ALOXE3: variants seen among roughly 807,000 people sequenced by gnomAD.
ALOXE3 encodes hydroperoxide isomerase ALOXE3.
Under a neutral mutation model 87.5 loss-of-function variants are expected in ALOXE3, and 78 were observed. The observed-to-expected ratio is 0.89, with a 90% CI of 0.74 to 1.08. The LOEUF (loss-of-function observed/expected upper bound fraction) is 1.08. Ranked by LOEUF, ALOXE3 falls within the 50% of genes least tolerant of loss-of-function variation. The pLI, the probability that ALOXE3 is intolerant of heterozygous loss-of-function variation, is 0.00. For missense variants in ALOXE3, 946 were observed against 912.4 expected, an observed-to-expected ratio of 1.04 and a Z score of -0.47; for synonymous variants, 363 against 370.8, an observed-to-expected ratio of 0.98 and a Z score of 0.24.
chr17:8,099,019 TTTC>T (rs1978749320), intron 15 of ALOXE3, among the ~76,000 whole-genome samples: 3 of 124,414 alleles, frequency 2.4e-5, no homozygotes, highest in Non-Finnish European at 1.7e-5. Context: ...CCCGGCTAGT[TTTC>T]TTTTTTTTTT....
intron 13 of ALOXE3, among the ~76,000 whole-genome samples, chr17:8,105,245 A>G (rs1979208458): frequency 6.6e-6 from 1 of 152,106 alleles, no homozygotes; most frequent in South Asian, 2.1e-4. Context: ...CCTTCCTGAT[A>G]GTTCTCAAAT....
intron 13 of ALOXE3, among the ~76,000 whole-genome samples, chr17:8,105,039 C>A (rs1979190631): frequency 6.6e-6 from 1 of 152,082 alleles, no homozygotes; most frequent in African/African-American, 2.4e-5. Flanking sequence ...GACGTCCCCA[C>A]CTAAGCATCT....
At chr17:8,101,031 GTTTT>G (rs57348893) in intron 15 of ALOXE3, among the ~76,000 whole-genome samples, 1 of 140,090 alleles carries the variant, frequency 7.1e-6, no homozygotes. Context: ...CTTTTTTTTT[GTTTT>G]TTTTTTTTTG....
At chr17:8,102,238 T>A (rs1978968832) in intron 15 of ALOXE3, among the ~76,000 whole-genome samples, 1 of 152,208 alleles carries the variant, frequency 6.6e-6, no homozygotes, top group Non-Finnish European at 1.5e-5. Context: ...CTCACACCTG[T>A]AATTCCAGCA....
chr17:8,109,166 C>A lies in ALOXE3; in HGVS notation c.1562+8G>T. The A allele has an allele frequency of 6.2e-7, 1 of 1,612,900 alleles. No homozygotes were observed. The highest frequency in any genetic ancestry group is 8.5e-7 in the Non-Finnish European group (1 of 1,180,032). On this transcript the variant is annotated splice_region_variant and intron_variant, in intron 12 of 15. Coordinates refer to ENST00000448843, the MANE Select transcript of ALOXE3 (RefSeq NM_021628.3). ...GTGGGACTGCTGGTCCCGCCCCGCA[C>A]CTCGCACCTCTCAATGGCCGCCCAG... is the stretch of plus-strand genomic sequence containing the variant.
chr17:8,099,154 G>C (rs78608027), intron 15 of ALOXE3, among the ~76,000 whole-genome samples: 5 of 150,028 alleles, frequency 3.3e-5, no homozygotes, highest in African/African-American at 1.2e-4. Context: ...CACTGCACCC[G>C]GCCTTATAAT....
At chr17:8,110,768 T>C (rs373778595) in intron 8 of ALOXE3, among the ~76,000 whole-genome samples, 2 of 152,136 alleles carry the variant, frequency 1.3e-5, no homozygotes, top group East Asian at 3.9e-4. Flanking sequence ...GCCAGCGTCC[T>C]CTCCTCCTCA....
intron 3 of ALOXE3, among the ~76,000 whole-genome samples, chr17:8,116,524 T>G (rs1243541242): frequency 6.6e-6 from 1 of 152,112 alleles, no homozygotes; most frequent in Non-Finnish European, 1.5e-5. Context: ...GTGCTTCCTA[T>G]GTGTATGAGA....
Position 8,104,153 on chromosome 17 carries a change from T to C in ALOXE3, c.1747A>G (p.Asn583Asp), listed in dbSNP as rs1320672403. 1 of 1,613,916 alleles carries C rather than the reference T, an allele frequency of 6.2e-7. No homozygotes were observed. The highest frequency in any genetic ancestry group is 8.5e-7 in the Non-Finnish European group (1 of 1,179,966). ...MVKFLTAIIF[N>D]CSAQHAAVNS... ...ACAGCAGCGTGCTGGGCAGAGCAAT[T>C]GAAGATGATTGCAGTGAGGAACTTC... Residue 583 changes from asparagine (N) to aspartate (D), a missense_variant, in exon 14 of 16, where the codon AAT (asparagine) becomes GAT (aspartate). Asn to Asp is a conservative substitution (Grantham distance 23). Coordinates refer to ENST00000448843, the MANE Select transcript of ALOXE3 (RefSeq NM_021628.3).
intron 8 of ALOXE3, among the ~76,000 whole-genome samples, chr17:8,111,132 C>T (rs1270635713): frequency 4.6e-5 from 7 of 152,240 alleles, no homozygotes; most frequent in Non-Finnish European, 8.8e-5. Context: ...GCGTTCACAC[C>T]ATTTCACCAG....
rs1978533973 is a variant in ALOXE3 at position 8,096,248 on chromosome 17, G to T, written c.*379C>A. On this transcript the variant is annotated 3_prime_UTR_variant, in exon 16 of 16. Transcript: ENST00000448843. ...GAAGAAAGAGAACGTAGAAAGGCAT[G>T]GTAGGAGAAGGAGTTTGGGGATTGG... The T allele has an allele frequency of 8.9e-6, 2 of 225,102 alleles. No individual in the cohort carries two copies. Among genetic ancestry groups the T allele is most frequent in the South Asian group, 1.4e-4 (2 of 14,098 alleles). 13.9% of individuals were successfully genotyped at this position (225,102 alleles called of 1,614,324 possible). A position where few individuals can be genotyped will look rare whatever the true frequency, so the allele number is the denominator to read the frequency against.
At position 8,103,418 on chromosome 17, in the gene ALOXE3, T is replaced by A. The variant is rs756957841; in HGVS notation, c.1861A>T (p.Thr621Ser). ...QPPPQTKGTT[T>S]LKTYLDTLPE... ...AGGGTGTCTAGGTAAGTCTTCAGGG[T>A]GGTGGTCCCCTTGGTCTGGGGTGGG... The change falls in exon 15 of 16, where the codon ACC becomes TCC. Residue 621 changes from threonine (T) to serine (S), a missense_variant. Physicochemically the swap from Thr to Ser is moderately conservative, Grantham distance 58 (BLOSUM62 1). Transcript: ENST00000448843. 1 of 1,614,072 alleles carries A rather than the reference T, an allele frequency of 6.2e-7. No individual in the cohort carries two copies. The highest frequency in any genetic ancestry group is 1.1e-5 in the South Asian group (1 of 91,088).
Position 8,118,315 on chromosome 17 carries a change from G to C in ALOXE3, c.-313-12C>G, listed in dbSNP as rs1472438885. ...GAGCCTGGGTTCCACTGCGGAGGGA[G>C]GGATCAGATGCTGAGATGGAGAAAA... On this transcript the variant is annotated splice_polypyrimidine_tract_variant and intron_variant, in intron 1 of 15. Transcript: ENST00000448843. The C allele has an allele frequency of 1.9e-6, 3 of 1,551,826 alleles. No individual in the cohort carries two copies. The South Asian group carries it at 3.6e-5, about 18-fold the overall frequency.
At chr17:8,109,380 C>T in intron 11 of ALOXE3, 37 bp from the exon 12 acceptor site, 1 of 1,607,156 alleles carries the variant, frequency 6.2e-7, no homozygotes, top group Non-Finnish European at 8.5e-7. Flanking sequence ...CGGGCCGGCC[C>T]AATCCCCACC....
At chr17:8,103,180 T>C in intron 15 of ALOXE3, 143 bp downstream of exon 15, 2 of 924,760 alleles carry the variant, frequency 2.2e-6, no homozygotes, top group Non-Finnish European at 1.7e-6. Context: ...ATTATCATTT[T>C]CTGAAGAAAT....
chr17:8,111,239 G>A lies in ALOXE3; in HGVS notation c.957+120C>T, dbSNP rs1450860767. ...GCAGGACCATGGCTGCCCAGAGGAT[G>A]AGGCCCACAGGTGAAATGCAGCCCA... On this transcript the variant is annotated intron_variant, in intron 8 of 15. Coordinates refer to ENST00000448843, the MANE Select transcript of ALOXE3 (RefSeq NM_021628.3). 2.4e-6 allele frequency: 3 copies of A among 1,250,860 alleles called. No homozygotes were observed. In the Admixed American group the frequency reaches 5.4e-5, roughly 22 times the overall value. The allele number at this position is 1,250,860 out of a possible 1,614,324, so 77.5% of individuals were successfully genotyped here.
In ALOXE3 at chr17:8,118,125, G is replaced by A. The variant is rs1205033631; in HGVS notation, c.-135C>T. 7.7e-6 allele frequency: 12 copies of A among 1,551,586 alleles called. No homozygotes were observed. The highest frequency in any genetic ancestry group is 9.6e-6 in the Non-Finnish European group (11 of 1,147,384). On this transcript the variant is annotated 5_prime_UTR_variant, in exon 2 of 16. Coordinates refer to ENST00000448843, the MANE Select transcript of ALOXE3 (RefSeq NM_021628.3). ...GGCTGCGGGGCTGGGTAGGGCTGAG[G>A]ATGGGCCCAGCTCTCTCTGGGATGT...
At chr17:8,111,736 T>G (rs944198760) in intron 7 of ALOXE3, among the ~76,000 whole-genome samples, 1 of 152,196 alleles carries the variant, frequency 6.6e-6, no homozygotes, top group Non-Finnish European at 1.5e-5. Context: ...GAGCAGGGAT[T>G]TGAGAACCTA....
chr17:8,109,373 G>A (rs1488004443), intron 11 of ALOXE3, 30 bp from the exon 12 acceptor site: 1 of 1,609,362 alleles, frequency 6.2e-7, no homozygotes, highest in Non-Finnish European at 8.5e-7. Flanking sequence ...CGGCTCCCGG[G>A]CCGGCCCAAT....
Sources: allele counts gnomAD v4.1 joint callset (sites outside exome capture counted in the v4.1 genomes callset), GRCh38; gene constraint gnomAD v4.1.1; transcripts MANE v1.5; gene names NCBI Gene and HGNC (gene_info 2026-07-23, HGNC 2026-07-21).